Variants in HNF4G observed in about 807,000 individuals in gnomAD.
HNF4G encodes the protein hepatocyte nuclear factor 4-gamma.
In HNF4G, 21 loss-of-function variants were observed where a neutral mutation model predicts 50.9. The ratio of observed to expected loss-of-function variants is 0.41; its 90% CI spans 0.29 to 0.59. The LOEUF is 0.59. HNF4G is among the 20% of genes least tolerant of loss of function. The probability of loss-of-function intolerance (pLI) is 0.26; values close to 1 mark genes in which losing one functional copy is unlikely to be tolerated. For missense variants in HNF4G, 527 were observed against 559.4 expected, an observed-to-expected ratio of 0.94 and a Z score of 0.58; for synonymous variants, 198 against 185.6, an observed-to-expected ratio of 1.07 and a Z score of -0.54.
intron 2 of HNF4G, among the ~76,000 whole-genome samples, chr8:75,525,897 T>C (rs1373903793): frequency 6.6e-6 from 1 of 152,016 alleles, no homozygotes; most frequent in Non-Finnish European, 1.5e-5. Context: ...ATGAGGTGGA[T>C]GAGGAAACAA....
chr8:75,557,933 T>C (rs543456533), intron 6 of HNF4G, among the ~76,000 whole-genome samples: 2 of 152,232 alleles, frequency 1.3e-5, no homozygotes, highest in South Asian at 4.1e-4. Context: ...CTGAACTCCC[T>C]TAAAGTCAGC....
At chr8:75,457,618 T>C (rs551102967) in intron 1 of HNF4G, among the ~76,000 whole-genome samples, 2 of 152,300 alleles carry the variant, frequency 1.3e-5, no homozygotes, top group African/African-American at 4.8e-5. Flanking sequence ...TGGAAATTCC[T>C]TGGAGCCTGA....
chr8:75,514,504 C>T (rs923735839), intron 2 of HNF4G, among the ~76,000 whole-genome samples: 1 of 151,502 alleles, frequency 6.6e-6, no homozygotes, highest in African/African-American at 2.4e-5. Context: ...AGGTGTGTGC[C>T]ACCACACCTG....
chr8:75,444,142 G>T (rs915775051), intron 1 of HNF4G, among the ~76,000 whole-genome samples: 77 of 151,944 alleles, frequency 5.1e-4, no homozygotes, highest in Non-Finnish European at 9.4e-4. Context: ...TTAAAGAAAA[G>T]AATTTTCAAC....
chr8:75,509,775 C>T (rs1423138930), intron 2 of HNF4G, among the ~76,000 whole-genome samples: 1 of 152,144 alleles, frequency 6.6e-6, no homozygotes, highest in East Asian at 1.9e-4. Flanking sequence ...GCATTATTCA[C>T]ATGTTTGTGG....
At position 75,556,014 on chromosome 8, in the gene HNF4G, CT is replaced by C; in HGVS notation, c.680del (p.Leu227TyrfsTer10). 6.3e-7 allele frequency: 1 copy of C among 1,584,172 alleles called. No individual in the cohort carries two copies. Among genetic ancestry groups the C allele is most frequent in the Non-Finnish European group, 8.6e-7 (1 of 1,164,262 alleles). On this transcript the variant is annotated frameshift_variant, in exon 6 of 10. Coordinates refer to ENST00000396423, the MANE Select transcript of HNF4G (RefSeq NM_004133.5). LOFTEE classifies it high-confidence loss of function. Reference sequence around the variant, plus strand: ...TGTTGAGAGCTCACGCAGGGGAGCACTTACTGCTTGGAGCTACAAAGAGATC... The same window carrying C: ...TGTTGAGAGCTCACGCAGGGGAGCACTACTGCTTGGAGCTACAAAGAGATC... Reference protein sequence around the residue: ...ALLRAHAGEHLLLGATKRSMM... With the variant: ...ALLRAHAGEHXLLGATKRSMM...
chr8:75,419,457 A>G (rs767873690), intron 1 of HNF4G, among the ~76,000 whole-genome samples: 4 of 152,230 alleles, frequency 2.6e-5, no homozygotes, highest in Non-Finnish European at 4.4e-5. Flanking sequence ...AGCACCCTTC[A>G]TGCTGAGCAA....
chr8:75,469,745 G>T (rs554038901), intron 1 of HNF4G, among the ~76,000 whole-genome samples: 1 of 152,102 alleles, frequency 6.6e-6, no homozygotes, highest in African/African-American at 2.4e-5. Flanking sequence ...ATCTCCCCAG[G>T]TTATCTTCAA....
chr8:75,483,500 C>T (rs918974276), intron 1 of HNF4G, among the ~76,000 whole-genome samples: 1 of 152,188 alleles, frequency 6.6e-6, no homozygotes, highest in Non-Finnish European at 1.5e-5. Context: ...GCACTCAGGT[C>T]TGCAGTGAGG....
chr8:75,500,239 A>G (rs1047127724), intron 2 of HNF4G, among the ~76,000 whole-genome samples: 9 of 152,170 alleles, frequency 5.9e-5, no homozygotes, highest in Non-Finnish European at 1.3e-4. Flanking sequence ...TTTAAAGACG[A>G]TATATAAACG....
Position 75,551,391 on chromosome 8 carries a change from T to C in HNF4G, c.386T>C (p.Val129Ala). 6.3e-7 allele frequency: 1 copy of C among 1,599,018 alleles called. No individual in the cohort carries two copies. The part of the protein sequence containing the change: ...CFRAGMKKEA[V>A]QNERDRISTR... ...ATACTGTGTTTTTTCCCCCTAGCTG[T>C]ACAAAATGAACGTGACAGAATAAGC... The change falls in exon 4 of 10, where the codon GTA becomes GCA. Residue 129 changes from valine to alanine, a missense_variant. Coordinates refer to ENST00000396423, the MANE Select transcript of HNF4G (RefSeq NM_004133.5).
At chr8:75,429,892 A>G (rs1810966971) in intron 1 of HNF4G, among the ~76,000 whole-genome samples, 1 of 152,114 alleles carries the variant, frequency 6.6e-6, no homozygotes, top group Non-Finnish European at 1.5e-5. Flanking sequence ...CAGTATATGT[A>G]TATTTAAAAA....
chr8:75,472,996 T>C (rs1004760006), intron 1 of HNF4G, among the ~76,000 whole-genome samples: 1 of 152,170 alleles, frequency 6.6e-6, no homozygotes, highest in African/African-American at 2.4e-5. Flanking sequence ...TGAAATATGT[T>C]GAGTGAGTCA....
intron 1 of HNF4G, among the ~76,000 whole-genome samples, chr8:75,423,334 T>TC (rs1191001618): frequency 8.7e-6 from 1 of 115,312 alleles, no homozygotes; most frequent in Non-Finnish European, 1.7e-5. Flanking sequence ...CTTTTCTTTA[T>TC]CTTTTTTTTT....
intron 2 of HNF4G, among the ~76,000 whole-genome samples, chr8:75,500,963 A>C (rs1026381588): frequency 2.7e-4 from 41 of 152,210 alleles, no homozygotes; most frequent in African/African-American, 9.1e-4. Flanking sequence ...TTTTGAATAC[A>C]CTTAAAGCTA....
At chr8:75,444,230 A>G (rs1811364679) in intron 1 of HNF4G, among the ~76,000 whole-genome samples, 1 of 151,876 alleles carries the variant, frequency 6.6e-6, no homozygotes. Flanking sequence ...GCAAATGCTG[A>G]GAGATTTTGT....
intron 1 of HNF4G, among the ~76,000 whole-genome samples, chr8:75,478,292 T>A (rs1248363556): frequency 6.6e-6 from 1 of 152,112 alleles, no homozygotes; most frequent in Non-Finnish European, 1.5e-5. Flanking sequence ...CCAGCCTGAG[T>A]GACAAATGGA....
chr8:75,516,142 A>G (rs973349615), intron 2 of HNF4G, among the ~76,000 whole-genome samples: 3 of 152,222 alleles, frequency 2.0e-5, no homozygotes, highest in Admixed American at 2.0e-4. Context: ...CCCAGAAATA[A>G]TGTTTACCAG....
chr8:75,417,413 A>G (rs991590361), intron 1 of HNF4G, among the ~76,000 whole-genome samples: 1 of 152,252 alleles, frequency 6.6e-6, no homozygotes, highest in African/African-American at 2.4e-5. Context: ...TGTTATCTCC[A>G]CTATGCTACT....
Sources: allele counts gnomAD v4.1 joint callset (sites outside exome capture counted in the v4.1 genomes callset), GRCh38; gene constraint gnomAD v4.1.1; transcripts MANE v1.5; gene names NCBI Gene and HGNC (gene_info 2026-07-23, HGNC 2026-07-21).